CUL3: variants seen among roughly 807,000 people sequenced by gnomAD.
CUL3 encodes cullin 3.
In CUL3, 19 loss-of-function variants were observed where a neutral mutation model predicts 89.1. The ratio of observed to expected loss-of-function variants is 0.21; its 90% confidence interval spans 0.15 to 0.31. The LOEUF (loss-of-function observed/expected upper bound fraction) is 0.31. Ranked by LOEUF, CUL3 falls within the 10% of genes least tolerant of loss-of-function variation. The pLI is 1.00. For missense variants in CUL3, 469 were observed against 942.3 expected (o/e 0.50, Z 6.58); for synonymous variants, 351 against 308.4 (o/e 1.14, Z -1.45).
At chr2:224,516,306 C>T (rs1574648618) in intron 3 of CUL3, among the ~76,000 whole-genome samples, 1 of 147,992 alleles carries the variant, frequency 6.8e-6, no homozygotes, top group Non-Finnish European at 1.5e-5. Flanking sequence ...CACGTCCCTC[C>T]TTTTTTGTTT....
chr2:224,549,325 A>G, intron 2 of CUL3, among the ~76,000 whole-genome samples: 1 of 142,176 alleles, frequency 7.0e-6, no homozygotes, highest in Non-Finnish European at 1.5e-5. Flanking sequence ...CGGAAAATAA[A>G]TTAAAAAAAA....
In CUL3 at chr2:224,472,743, T is replaced by C. The variant is rs943963464; in HGVS notation, c.*1502A>G. ...AAGGAAAATTATAACCCAAGACGCA[T>C]GGGGAAAAATATTTATGTGGAGTTT... On this transcript the variant is annotated 3_prime_UTR_variant, in exon 16 of 16. Transcript: ENST00000264414. 1 of 196,002 alleles carries C rather than the reference T, an allele frequency of 5.1e-6. No individual in the cohort carries two copies. 12.1% of individuals were successfully genotyped at this position (196,002 alleles called of 1,614,324 possible).
chr2:224,563,368 G>T (rs1027436410), intron 1 of CUL3: 26 of 433,688 alleles, frequency 6.0e-5, no homozygotes, highest in Non-Finnish European at 1.1e-4. Context: ...TCTATTATCC[G>T]TACATGCAGG....
chr2:224,544,953 T>G lies in CUL3; in HGVS notation c.265-9312A>C, dbSNP rs568482034. Among the ~76,000 whole-genome samples the G allele has an allele frequency of 2.0e-5, 3 of 152,244 alleles. No homozygotes were observed. The South Asian group carries it at 6.2e-4, about 32-fold the overall frequency. ...AGGGGCAGGTCAGGAATAAGGACACTTGCTTTCCTTTCCTCTAAAGGATAG... is the reference window on the plus strand; with the variant it reads ...AGGGGCAGGTCAGGAATAAGGACACGTGCTTTCCTTTCCTCTAAAGGATAG... On this transcript the variant is annotated intron_variant, in intron 2 of 15. Coordinates refer to ENST00000264414, the MANE Select transcript of CUL3 (RefSeq NM_003590.5).
chr2:224,478,379 T>C (rs2106143827), intron 14 of CUL3, 34 bp from the exon 15 acceptor site: 1 of 1,581,230 alleles, frequency 6.3e-7, no homozygotes. Flanking sequence ...ATCATAAATC[T>C]AATTTTAAAA....
rs1298698268 is a variant in CUL3 at position 224,506,076 on chromosome 2, A to G, written c.1086T>C (p.Asn362=). 1 of 1,612,824 alleles carries G rather than the reference A, an allele frequency of 6.2e-7. No homozygotes were observed. The highest frequency in any genetic ancestry group is 8.5e-7 in the Non-Finnish European group (1 of 1,179,278). ...CAATAGTTTGTTTAAAGAGACGGTC[A>G]TTGTTGAATGATTCCAGGAGGAAGC... The part of the protein sequence containing the change: ...FDRFLLESFN[N]DRLFKQTIAG... The change falls in exon 8 of 16, where the codon AAT becomes AAC. Residue 362 remains asparagine, a synonymous_variant. Coordinates refer to ENST00000264414, the MANE Select transcript of CUL3 (RefSeq NM_003590.5).
chr2:224,577,295 G>A (rs542114868), intron 1 of CUL3, among the ~76,000 whole-genome samples: 4 of 152,298 alleles, frequency 2.6e-5, no homozygotes, highest in Admixed American at 6.5e-5. Context: ...GAGGCCGGGC[G>A]CGGTGGCTCA....
At position 224,550,944 on chromosome 2, in the gene CUL3, C is replaced by G. The variant is rs534208073; in HGVS notation, c.264+6715G>C. On this transcript the variant is annotated intron_variant, in intron 2 of 15. Transcript: ENST00000264414. ...GCTTCAAGGTCTGGCATGATATGAT[C>G]TGGCTTCTGCTTCTCTCTGCAACCC... is the stretch of plus-strand genomic sequence containing the variant. Among the ~76,000 whole-genome samples, 90 of 152,286 alleles carry G rather than the reference C, an allele frequency of 5.9e-4. 2 individuals are homozygous for G. The highest frequency in any genetic ancestry group is 2.0e-3 in the African/African-American group (84 of 41,560).
chr2:224,503,198 G>C (rs1692456568), intron 9 of CUL3, 126 bp from the exon 10 acceptor site: 1 of 699,300 alleles, frequency 1.4e-6, no homozygotes, highest in Non-Finnish European at 2.5e-6. Context: ...TTTTCCAACA[G>C]TTGCTCTGTG....
chr2:224,554,841 C>A (rs571342687), intron 2 of CUL3, among the ~76,000 whole-genome samples: 15 of 152,294 alleles, frequency 9.8e-5, no homozygotes, highest in African/African-American at 3.6e-4. Flanking sequence ...TCCAATAACT[C>A]AGCTGTTCCA....
At chr2:224,567,613 G>A (rs375122393) in intron 1 of CUL3, among the ~76,000 whole-genome samples, 2 of 151,998 alleles carry the variant, frequency 1.3e-5, no homozygotes, top group South Asian at 2.1e-4. Context: ...GGTGGTGGGC[G>A]CCTGTCGTCC....
intron 1 of CUL3, among the ~76,000 whole-genome samples, chr2:224,581,937 A>C (rs1695450512): frequency 6.6e-6 from 1 of 152,016 alleles, no homozygotes; most frequent in South Asian, 2.1e-4. Context: ...AACCATAAAC[A>C]ATTAAGGATG....
chr2:224,573,958 G>A (rs1291275074), intron 1 of CUL3, among the ~76,000 whole-genome samples: 1 of 152,124 alleles, frequency 6.6e-6, no homozygotes, highest in African/African-American at 2.4e-5. Context: ...AAATGGAAAG[G>A]AATTGGAGAT....
At position 224,510,607 on chromosome 2, in the gene CUL3, T is replaced by C. The variant is rs1692786024; in HGVS notation, c.883+747A>G. 2.0e-5 allele frequency among the ~76,000 whole-genome samples: 3 copies of C among 152,298 alleles called. No individual in the cohort carries two copies. In the South Asian group the frequency reaches 6.2e-4, roughly 32 times the overall value. On this transcript the variant is annotated intron_variant, in intron 6 of 15. Coordinates refer to ENST00000264414, the MANE Select transcript of CUL3 (RefSeq NM_003590.5). ...GCAGGAGAACAAAGTACCATGTTTT[T>C]TATTTCCTAATACCATATAAGTGGT...
At chr2:224,560,156 T>G (rs1694859197) in intron 1 of CUL3, among the ~76,000 whole-genome samples, 1 of 152,232 alleles carries the variant, frequency 6.6e-6, no homozygotes, top group Admixed American at 6.5e-5. Context: ...GTTTTTCTTC[T>G]ACTTCTGTCT....
chr2:224,551,092 T>C (rs2106292598), intron 2 of CUL3, among the ~76,000 whole-genome samples: 1 of 152,014 alleles, frequency 6.6e-6, no homozygotes, highest in Middle Eastern at 3.4e-3. Flanking sequence ...TTAATCGCTC[T>C]GTTGCCCAGG....
chr2:224,556,680 T>C (rs905415042), intron 2 of CUL3, among the ~76,000 whole-genome samples: 1 of 152,180 alleles, frequency 6.6e-6, no homozygotes, highest in African/African-American at 2.4e-5. Flanking sequence ...CAGTATTATA[T>C]TGTTAAACTG....
At chr2:224,558,746 G>A (rs1254620141) in intron 1 of CUL3, among the ~76,000 whole-genome samples, 9 of 152,098 alleles carry the variant, frequency 5.9e-5, no homozygotes, top group Non-Finnish European at 2.9e-5. Context: ...ACCACCTATT[G>A]AAAAGGCCTC....
At chr2:224,537,756 T>C (rs552497060) in intron 2 of CUL3, among the ~76,000 whole-genome samples, 2 of 152,316 alleles carry the variant, frequency 1.3e-5, no homozygotes, top group South Asian at 2.1e-4. Context: ...TAAGGACTTA[T>C]ATGAACTTCT....
Sources: allele counts gnomAD v4.1 joint callset (sites outside exome capture counted in the v4.1 genomes callset), GRCh38; gene constraint gnomAD v4.1.1; transcripts MANE v1.5; gene names NCBI Gene and HGNC (gene_info 2026-07-23, HGNC 2026-07-21).